THSD7B: variants seen among roughly 807,000 people sequenced by gnomAD.
THSD7B encodes thrombospondin type 1 domain containing 7B, also known as thrombospondin type-1 domain-containing protein 7B.
In THSD7B, 138 loss-of-function variants were observed where a neutral mutation model predicts 213.6. The ratio of observed to expected loss-of-function variants is 0.65; its 90% CI spans 0.56 to 0.74. The LOEUF is 0.74. Ranked by LOEUF, THSD7B falls within the 30% of genes least tolerant of loss-of-function variation. The pLI, the probability that THSD7B is intolerant of heterozygous loss-of-function variation, is 0.00. For missense variants in THSD7B, 1,931 were observed against 1,991.5 expected (o/e 0.97, Z 0.58); for synonymous variants, 742 against 687.0 (o/e 1.08, Z -1.25).
chr2:136,893,229 A>G (rs1468078423), intron 2 of THSD7B, among the ~76,000 whole-genome samples: 2 of 152,178 alleles, frequency 1.3e-5, no homozygotes, highest in Non-Finnish European at 2.9e-5. Flanking sequence ...ATAACTGGCC[A>G]CTAAAGCTTT....
intron 15 of THSD7B, among the ~76,000 whole-genome samples, chr2:137,561,713 C>T (rs561174289): frequency 1.3e-5 from 2 of 152,260 alleles, no homozygotes; most frequent in Admixed American, 6.5e-5. Flanking sequence ...ATCTACTATC[C>T]TATGACTGTT....
intron 15 of THSD7B, among the ~76,000 whole-genome samples, chr2:137,479,232 G>C (rs955106144): frequency 6.6e-6 from 1 of 152,228 alleles, no homozygotes; most frequent in Non-Finnish European, 1.5e-5. Context: ...CACAGGTGGT[G>C]TGTGCAGGTG....
intron 17 of THSD7B, among the ~76,000 whole-genome samples, chr2:137,577,994 A>T (rs1455843403): frequency 6.6e-6 from 1 of 152,212 alleles, no homozygotes; most frequent in African/African-American, 2.4e-5. Context: ...GACTGGATTT[A>T]TGCTCCATAG....
At chr2:137,625,906 C>T (rs1233358882) in intron 20 of THSD7B, among the ~76,000 whole-genome samples, 1 of 152,188 alleles carries the variant, frequency 6.6e-6, no homozygotes, top group Non-Finnish European at 1.5e-5. Context: ...GCCAACATAC[C>T]TTCATTGTTC....
intron 20 of THSD7B, chr2:137,642,177 T>G (rs2104862227): frequency 4.5e-6 from 1 of 223,522 alleles, no homozygotes; most frequent in South Asian, 8.4e-5. Flanking sequence ...AATAAATAAA[T>G]ATTTATTAAA....
chr2:136,946,786 G>A (rs542851953), intron 2 of THSD7B, among the ~76,000 whole-genome samples: 2 of 152,328 alleles, frequency 1.3e-5, no homozygotes, highest in East Asian at 3.9e-4. Flanking sequence ...GGGACCCACC[G>A]AGCCTTGCAT....
intron 7 of THSD7B, among the ~76,000 whole-genome samples, chr2:137,208,958 A>G (rs560665558): frequency 2.0e-5 from 3 of 152,236 alleles, no homozygotes; most frequent in African/African-American, 7.2e-5. Flanking sequence ...CTATGCCTGC[A>G]TCTTAGCAAA....
intron 1 of THSD7B, among the ~76,000 whole-genome samples, chr2:136,780,627 C>T (rs1433284467): frequency 1.3e-5 from 2 of 152,148 alleles, no homozygotes; most frequent in African/African-American, 4.8e-5. Context: ...ACGGAACTTC[C>T]CCCTCCCTAA....
intron 12 of THSD7B, among the ~76,000 whole-genome samples, chr2:137,304,666 A>G (rs897232324): frequency 6.6e-6 from 1 of 152,074 alleles, no homozygotes; most frequent in Non-Finnish European, 1.5e-5. Flanking sequence ...GTTTTTCTAG[A>G]AAACTCTGTT....
chr2:137,348,902 C>CT (rs1684942711), intron 12 of THSD7B, among the ~76,000 whole-genome samples: 1 of 151,228 alleles, frequency 6.6e-6, no homozygotes, highest in Admixed American at 6.6e-5. Flanking sequence ...AGGAGGTTCA[C>CT]TTTTTCTGGA....
chr2:136,771,900 G>C (rs1486780176), intron 1 of THSD7B, among the ~76,000 whole-genome samples: 1 of 152,102 alleles, frequency 6.6e-6, no homozygotes, highest in East Asian at 1.9e-4. Context: ...CCAATATCCA[G>C]GTAGGCAACA....
intron 9 of THSD7B, 68 bp downstream of exon 9, chr2:137,233,201 T>A: frequency 7.1e-7 from 1 of 1,403,036 alleles, no homozygotes; most frequent in Non-Finnish European, 9.8e-7. Context: ...GTTGAAAGCA[T>A]TTATCAAGCA....
chr2:136,772,297 C>T (rs2558097), intron 1 of THSD7B, among the ~76,000 whole-genome samples: 5,058 of 152,180 alleles, frequency 0.033, 315 homozygotes, highest in African/African-American at 0.12. Context: ...ATGGAGATGA[C>T]TGACAGGAAG....
chr2:137,091,180 C>T (rs1023124262), intron 3 of THSD7B, among the ~76,000 whole-genome samples: 35 of 152,174 alleles, frequency 2.3e-4, no homozygotes, highest in African/African-American at 7.5e-4. Flanking sequence ...CCTATAACTC[C>T]CTGCACATGC....
intron 3 of THSD7B, among the ~76,000 whole-genome samples, chr2:137,061,811 C>G (rs189591268): frequency 1.3e-5 from 2 of 151,796 alleles, no homozygotes; most frequent in Admixed American, 6.6e-5. Context: ...AAATGTTGAT[C>G]TTTGTTGTCC....
At chr2:136,886,084 T>A (rs1025776221) in intron 2 of THSD7B, among the ~76,000 whole-genome samples, 25 of 152,144 alleles carry the variant, frequency 1.6e-4, no homozygotes, top group Admixed American at 5.2e-4. Context: ...GAGGCATACT[T>A]GAGGACATGT....
At chr2:136,889,716 G>A (rs371006233) in intron 2 of THSD7B, among the ~76,000 whole-genome samples, 2 of 152,222 alleles carry the variant, frequency 1.3e-5, no homozygotes, top group South Asian at 4.1e-4. Context: ...AAAGATTCAA[G>A]CGCAGTTCCA....
intron 2 of THSD7B, among the ~76,000 whole-genome samples, chr2:137,043,649 C>T (rs1443600591): frequency 6.6e-6 from 1 of 152,110 alleles, no homozygotes; most frequent in Non-Finnish European, 1.5e-5. Flanking sequence ...CCCAAGGTAA[C>T]CTACATAATG....
intron 17 of THSD7B, among the ~76,000 whole-genome samples, chr2:137,601,718 T>C (rs1335475050): frequency 6.6e-6 from 1 of 152,224 alleles, no homozygotes; most frequent in African/African-American, 2.4e-5. Context: ...TTGCATACAT[T>C]ATCTCATTAT....
Sources: allele counts gnomAD v4.1 joint callset (sites outside exome capture counted in the v4.1 genomes callset), GRCh38; gene constraint gnomAD v4.1.1; transcripts MANE v1.5; gene names NCBI Gene and HGNC (gene_info 2026-07-23, HGNC 2026-07-21).